Variants in VWC2 observed in about 807,000 individuals in gnomAD.
The protein encoded by VWC2 is von Willebrand factor C domain containing 2, also known as brorin.
VWC2 carries 14 observed loss-of-function variants against 29.8 expected under a neutral mutation model. The observed-to-expected ratio is 0.47, with a 90% CI of 0.31 to 0.74. The LOEUF (loss-of-function observed/expected upper bound fraction) is 0.74, where lower values mean the gene tolerates loss of function less well. Among genes scored for constraint, VWC2 ranks in the 30% least tolerant of loss-of-function variants. VWC2 has a pLI of 0.05. For synonymous variants in VWC2, 213 were observed against 199.0 expected (o/e 1.07, Z -0.59); for missense variants, 457 against 459.8 (o/e 0.99, Z 0.05).
chr7:49,860,598 A>G (rs1790609163), intron 3 of VWC2, among the ~76,000 whole-genome samples: 2 of 152,196 alleles, frequency 1.3e-5, no homozygotes, highest in African/African-American at 4.8e-5. Context: ...CCTTGCTTTC[A>G]ATTCCTTTGG....
chr7:49,849,789 TC>T (rs546840724), intron 3 of VWC2, among the ~76,000 whole-genome samples: 102 of 152,258 alleles, frequency 6.7e-4, no homozygotes, highest in African/African-American at 2.3e-3. Flanking sequence ...TAAAAGTGGC[TC>T]CTGCTCTAAC....
chr7:49,847,146 G>A (rs1490979751), intron 3 of VWC2, among the ~76,000 whole-genome samples: 1 of 151,578 alleles, frequency 6.6e-6, no homozygotes, highest in African/African-American at 2.4e-5. Context: ...TTTTAAAAGG[G>A]TCACTGCCAG....
intron 3 of VWC2, among the ~76,000 whole-genome samples, chr7:49,906,621 C>T (rs1298738754): frequency 1.3e-5 from 2 of 152,158 alleles, no homozygotes; most frequent in East Asian, 3.9e-4. Context: ...CAGGCGTGAG[C>T]CACCGCACCC....
rs866066443 is a variant in VWC2 at position 49,880,042 on chromosome 7, C to A, written c.827-31992C>A. On this transcript the variant is annotated intron_variant, in intron 3 of 3. Transcript: ENST00000340652. Reference sequence around the variant, plus strand: ...CAGAGGGAGCATCATTTTCTCCCAACTAAAATTTTAATTGAAATAATTTTA... The same window carrying A: ...CAGAGGGAGCATCATTTTCTCCCAAATAAAATTTTAATTGAAATAATTTTA... Among the ~76,000 whole-genome samples the A allele has an allele frequency of 6.6e-5, 10 of 152,236 alleles. 1 individual carries two copies. Among genetic ancestry groups the A allele is most frequent in the Middle Eastern group, 6.8e-3 (2 of 294 alleles).
chr7:49,840,866 A>C (rs535772929), intron 3 of VWC2, among the ~76,000 whole-genome samples: 81 of 152,284 alleles, frequency 5.3e-4, no homozygotes, highest in African/African-American at 1.8e-3. Context: ...CCCCCGAGTC[A>C]GAGCTGTTGC....
chr7:49,830,141 T>C (rs1224216227), intron 3 of VWC2, among the ~76,000 whole-genome samples: 11 of 152,222 alleles, frequency 7.2e-5, no homozygotes, highest in Non-Finnish European at 1.2e-4. Context: ...TTCTTTTGAC[T>C]GTTCAGCTCT....
chr7:49,850,235 C>T (rs1388128839), intron 3 of VWC2, among the ~76,000 whole-genome samples: 1 of 150,422 alleles, frequency 6.6e-6, no homozygotes, highest in East Asian at 1.9e-4. Context: ...ACTGTAGTAA[C>T]CTGTCCACTT....
intron 3 of VWC2, among the ~76,000 whole-genome samples, chr7:49,818,553 G>C (rs1040204087): frequency 6.6e-6 from 1 of 151,834 alleles, no homozygotes; most frequent in Non-Finnish European, 1.5e-5. Flanking sequence ...CCCCAAAGTG[G>C]AACAGAGCAA....
chr7:49,775,789 G>T lies in VWC2; in HGVS notation c.354G>T (p.Pro118=), dbSNP rs1038471014. ...DLQVRPRGDT[P]QAEALAAAAQ... Reference sequence around the variant, plus strand: ...AGGTCCGGCCCCGCGGGGACACCCCGCAGGCGGAAGCCCTGGCCGCAGCCG... The same window carrying T: ...AGGTCCGGCCCCGCGGGGACACCCCTCAGGCGGAAGCCCTGGCCGCAGCCG... Residue 118 remains proline (P), a synonymous_variant, in exon 2 of 4, where the codon CCG becomes CCT. Transcript: ENST00000340652. The T allele has an allele frequency of 8.5e-6, 13 of 1,528,352 alleles. No individual in the cohort carries two copies. Among genetic ancestry groups the T allele is most frequent in the African/African-American group, 7.0e-5 (5 of 71,924 alleles). 94.7% of individuals were successfully genotyped at this position (1,528,352 alleles called of 1,614,324 possible). A position where few individuals can be genotyped will look rare whatever the true frequency, so the allele number is the denominator to read the frequency against.
At chr7:49,774,548 G>T (rs924874021) in intron 1 of VWC2, among the ~76,000 whole-genome samples, 8 of 152,202 alleles carry the variant, frequency 5.3e-5, no homozygotes, top group Non-Finnish European at 1.0e-4. Context: ...CCAGCCTCCC[G>T]CACTGCACAC....
chr7:49,817,080 G>C (rs1302690697), intron 3 of VWC2, among the ~76,000 whole-genome samples: 1 of 152,202 alleles, frequency 6.6e-6, no homozygotes, highest in Admixed American at 6.5e-5. Context: ...CACTATGGCA[G>C]TTTGCCCAGT....
chr7:49,895,434 G>A (rs1481693802), intron 3 of VWC2, among the ~76,000 whole-genome samples: 4 of 152,140 alleles, frequency 2.6e-5, no homozygotes, highest in Non-Finnish European at 4.4e-5. Context: ...ACATACTCAT[G>A]GAGTCCAGAT....
chr7:49,811,077 A>G (rs1019993145), intron 3 of VWC2, among the ~76,000 whole-genome samples: 1 of 152,224 alleles, frequency 6.6e-6, no homozygotes, highest in African/African-American at 2.4e-5. Context: ...TGAAAATACA[A>G]GCCACAAACT....
intron 3 of VWC2, among the ~76,000 whole-genome samples, chr7:49,879,701 T>G (rs999980419): frequency 3.3e-5 from 5 of 151,756 alleles, no homozygotes; most frequent in Admixed American, 6.6e-5. Flanking sequence ...TAGTACATAG[T>G]AATTCTTTCT....
At chr7:49,774,398 G>C (rs1041406934) in intron 1 of VWC2, among the ~76,000 whole-genome samples, 2 of 152,224 alleles carry the variant, frequency 1.3e-5, no homozygotes, top group Non-Finnish European at 1.5e-5. Flanking sequence ...GAGTGAGGCG[G>C]AGAGAGGCTG....
rs1474065783 is a variant in VWC2, at chr7:49,916,414, T to C, written c.*4229T>C. 6.6e-6 allele frequency: 1 copy of C among 152,230 alleles called. No homozygotes were observed. Among genetic ancestry groups the C allele is most frequent in the Non-Finnish European group, 1.5e-5 (1 of 68,046 alleles). The allele number at this position is 152,230 out of a possible 1,614,324, so 9.4% of individuals were successfully genotyped here. A position where few individuals can be genotyped will look rare whatever the true frequency, so the allele number is the denominator to read the frequency against. ...GCAGCATGTTGAGTATTAGCCATTT[T>C]CAATGTCCAGTTCAAGTGCCATTGC... On this transcript the variant is annotated 3_prime_UTR_variant, in exon 4 of 4. Coordinates refer to ENST00000340652, the MANE Select transcript of VWC2 (RefSeq NM_198570.5).
At chr7:49,777,075 T>C (rs1370867393) in intron 2 of VWC2, among the ~76,000 whole-genome samples, 1 of 152,210 alleles carries the variant, frequency 6.6e-6, no homozygotes, top group African/African-American at 2.4e-5. Flanking sequence ...TCTCTGCCAG[T>C]GGGCTAGGGG....
chr7:49,776,161 T>C, intron 2 of VWC2, 30 bp downstream of exon 2: 2 of 1,479,686 alleles, frequency 1.4e-6, no homozygotes. Context: ...CGGGCGACTT[T>C]GCACCTTCCA....
chr7:49,820,431 G>A (rs1789240213), intron 3 of VWC2, among the ~76,000 whole-genome samples: 1 of 152,134 alleles, frequency 6.6e-6, no homozygotes, highest in Non-Finnish European at 1.5e-5. Context: ...ATAAGCAGAG[G>A]AGAATAAATG....
Sources: gnomAD v4.1 joint callset for allele counts (sites outside exome capture counted in the v4.1 genomes callset) on GRCh38, gnomAD v4.1.1 for gene constraint, MANE v1.5 for transcripts, NCBI Gene and HGNC (gene_info 2026-07-23, HGNC 2026-07-21) for gene names.